Variants in FGF1 observed in about 807,000 individuals in gnomAD.
The protein encoded by FGF1 is fibroblast growth factor 1, also known as beta-endothelial cell growth factor.
In FGF1, 9 loss-of-function variants were observed where a neutral mutation model predicts 13.4. The observed-to-expected ratio is 0.67, with a 90% CI of 0.40 to 1.17. The LOEUF is 1.17. FGF1 is among the 50% of genes most tolerant of loss of function. The probability of loss-of-function intolerance (pLI) is 0.01; values close to 1 mark genes in which losing one functional copy is unlikely to be tolerated. For missense variants in FGF1, 156 were observed against 192.7 expected, an observed-to-expected ratio of 0.81 and a Z score of 1.13; for synonymous variants, 93 against 79.0, an observed-to-expected ratio of 1.18 and a Z score of -0.94.
intron 2 of FGF1, among the ~76,000 whole-genome samples, chr5:142,602,813 A>T (rs1051399519): frequency 7.2e-5 from 11 of 152,028 alleles, no homozygotes; most frequent in African/African-American, 2.2e-4. Flanking sequence ...GTGTTCCATT[A>T]TGTAGCTATA....
At chr5:142,692,675 A>G (rs959115138) in intron 2 of FGF1, among the ~76,000 whole-genome samples, 12 of 149,628 alleles carry the variant, frequency 8.0e-5, no homozygotes, top group South Asian at 4.3e-4. Flanking sequence ...ACACACACAC[A>G]CGCACACACG....
chr5:142,662,635 G>GTCATTCATTCAT (rs34916756), intron 1 of FGF1, among the ~76,000 whole-genome samples: 4 of 151,516 alleles, frequency 2.6e-5, no homozygotes, highest in African/African-American at 9.7e-5. Context: ...ATGACTGCTG[G>GTCATTCATTCAT]TCATTCATTC....
In FGF1 at chr5:142,594,449, T is replaced by A. The variant is rs1210410972; in HGVS notation, c.*841A>T. On this transcript the variant is annotated 3_prime_UTR_variant, in exon 4 of 4. Coordinates refer to ENST00000337706, the MANE Select transcript of FGF1 (RefSeq NM_000800.5). ...TTTCCTTCTCCTTCTGAAATCATCC[T>A]CTTTTTATGGTATCCCCTCAGCCAG... 1.3e-5 allele frequency: 2 copies of A among 152,402 alleles called. No individual in the cohort carries two copies. The highest frequency in any genetic ancestry group is 2.4e-5 in the African/African-American group (1 of 41,460). 9.4% of individuals were successfully genotyped at this position (152,402 alleles called of 1,614,324 possible).
intron 1 of FGF1, among the ~76,000 whole-genome samples, chr5:142,665,523 C>T (rs1770136200): frequency 6.6e-6 from 1 of 152,174 alleles, no homozygotes; most frequent in South Asian, 2.1e-4. Context: ...TTCTCTGTCT[C>T]TTCATCTTCC....
chr5:142,634,972 G>C lies in FGF1; in HGVS notation c.-34-20811C>G, dbSNP rs17223444. On this transcript the variant is annotated intron_variant, in intron 1 of 3. Transcript: ENST00000337706. ...AAGTCTCACCAGATGTCCCCAGGTC[G>C]ATTGCTCGTTGTTGCACAAAGCTGT... Among the ~76,000 whole-genome samples, 3 of 151,828 alleles carry C rather than the reference G, an allele frequency of 2.0e-5. No individual in the cohort carries two copies. The East Asian group carries it at 5.8e-4, about 29-fold the overall frequency.
chr5:142,688,956 G>T (rs896267341), upstream of FGF1, among the ~76,000 whole-genome samples: 1 of 152,200 alleles, frequency 6.6e-6, no homozygotes, highest in Admixed American at 6.5e-5. Context: ...CAGTGTCTCT[G>T]AAAATCAGAC....
chr5:142,657,240 A>G (rs999204902), intron 1 of FGF1, among the ~76,000 whole-genome samples: 2 of 152,148 alleles, frequency 1.3e-5, no homozygotes, highest in African/African-American at 4.8e-5. Flanking sequence ...TTTCTAATGT[A>G]AAGGAAAAAA....
At chr5:142,694,178 C>G (rs566442225) in intron 2 of FGF1, among the ~76,000 whole-genome samples, 1 of 151,782 alleles carries the variant, frequency 6.6e-6, no homozygotes, top group East Asian at 1.9e-4. Context: ...CCCCCCCACC[C>G]TGCCCACCAT....
At chr5:142,668,027 G>A (rs887946208) in intron 1 of FGF1, among the ~76,000 whole-genome samples, 4 of 152,224 alleles carry the variant, frequency 2.6e-5, no homozygotes, top group African/African-American at 9.6e-5. Flanking sequence ...AGCTGAGCAG[G>A]CAGGCCCCTG....
chr5:142,665,094 G>T (rs1035808868), intron 1 of FGF1, among the ~76,000 whole-genome samples: 1 of 152,170 alleles, frequency 6.6e-6, no homozygotes, highest in Non-Finnish European at 1.5e-5. Context: ...AATCTCAGCT[G>T]CTCTGAAGGC....
rs535875425 is a variant in FGF1, at chr5:142,608,045, G to C, written c.169+5914C>G. On this transcript the variant is annotated intron_variant, in intron 2 of 3. Transcript: ENST00000337706. Reference sequence around the variant, plus strand: ...TCCAAAGGTAGAAAAAAGGAAAAAGGGTTATGATCCTGCCAGTGCCAAGAG... The same window carrying C: ...TCCAAAGGTAGAAAAAAGGAAAAAGCGTTATGATCCTGCCAGTGCCAAGAG... Among the ~76,000 whole-genome samples the C allele has an allele frequency of 8.5e-5, 13 of 152,242 alleles. No individual in the cohort carries two copies. The South Asian group carries it at 2.3e-3, about 27-fold the overall frequency.
chr5:142,609,701 T>C (rs1430471050), intron 2 of FGF1, among the ~76,000 whole-genome samples: 1 of 152,198 alleles, frequency 6.6e-6, no homozygotes, highest in Admixed American at 6.5e-5. Context: ...TGAGGAAGGC[T>C]CAGGAATCCC....
intron 1 of FGF1, among the ~76,000 whole-genome samples, chr5:142,647,997 A>G (rs973642878): frequency 5.3e-5 from 8 of 152,144 alleles, no homozygotes; most frequent in Non-Finnish European, 8.8e-5. Flanking sequence ...AAGCAGGAGA[A>G]TCACTTGAAC....
chr5:142,630,366 T>C (rs74327653), intron 1 of FGF1, among the ~76,000 whole-genome samples: 3,437 of 152,196 alleles, frequency 0.023, 54 homozygotes, highest in Non-Finnish European at 0.034. Flanking sequence ...AACCCCACTG[T>C]CCACAGCAGG....
chr5:142,600,977 T>C, intron 2 of FGF1, 172 bp from the exon 3 acceptor site: 1 of 632,342 alleles, frequency 1.6e-6, no homozygotes, highest in South Asian at 1.7e-5. Context: ...TTTCTTTGCC[T>C]TCCAAAGAAA....
rs1435198580 is a variant in FGF1 at position 142,684,481 on chromosome 5, A to C, written c.-35+1476T>G. 2.0e-5 allele frequency among the ~76,000 whole-genome samples: 3 copies of C among 152,184 alleles called. No homozygotes were observed. In the South Asian group the frequency reaches 6.2e-4, roughly 32 times the overall value. On this transcript the variant is annotated intron_variant, in intron 1 of 3. Coordinates refer to ENST00000337706, the MANE Select transcript of FGF1 (RefSeq NM_000800.5). ...ACTTCATTTGCAAACCCATTTATTC[A>C]CACTAACAAAGGCAGGGGCAACAGA...
intron 2 of FGF1, among the ~76,000 whole-genome samples, chr5:142,611,361 T>G (rs1759003136): frequency 6.6e-6 from 1 of 152,188 alleles, no homozygotes; most frequent in South Asian, 2.1e-4. Flanking sequence ...TGGGCAATGC[T>G]GCCATTCCCA....
At chr5:142,634,070 G>A (rs2151934679) in intron 1 of FGF1, among the ~76,000 whole-genome samples, 1 of 151,740 alleles carries the variant, frequency 6.6e-6, no homozygotes, top group East Asian at 1.9e-4. Context: ...GCGGGCGCCT[G>A]TAGTCCCAGC....
At chr5:142,678,356 C>A (rs767667509) in intron 1 of FGF1, among the ~76,000 whole-genome samples, 5 of 152,122 alleles carry the variant, frequency 3.3e-5, no homozygotes, top group African/African-American at 7.2e-5. Context: ...TTTTTACATA[C>A]GGATCATGCC....
Sources: gnomAD v4.1 joint callset for allele counts (sites outside exome capture counted in the v4.1 genomes callset) on GRCh38, gnomAD v4.1.1 for gene constraint, MANE v1.5 for transcripts, NCBI Gene and HGNC (gene_info 2026-07-23, HGNC 2026-07-21) for gene names.